The following HAS2 variants were observed in gnomAD, a reference collection of about 807,000 sequenced individuals.
HAS2 encodes the protein HA synthase 2.
Under a neutral mutation model 51.6 loss-of-function variants are expected in HAS2, and 16 were observed. The observed-to-expected ratio is 0.31, with a 90% confidence interval of 0.21 to 0.47. The LOEUF is 0.47. HAS2 is among the 20% of genes least tolerant of loss of function. The pLI is 1.00. For missense variants in HAS2, 361 were observed against 662.6 expected, an observed-to-expected ratio of 0.54 and a Z score of 5.00; for synonymous variants, 228 against 235.5, an observed-to-expected ratio of 0.97 and a Z score of 0.29.
chr8:121,629,189 G>A lies in HAS2; in HGVS notation c.152C>T (p.Ala51Val), dbSNP rs780998853. The change falls in exon 2 of 4, where the codon GCC becomes GTC. Residue 51 changes from alanine (A) to valine (V), a missense_variant. Around this residue, in one of 5 missense-constraint regions of HAS2, gnomAD observed 145 missense variants for 217.6 expected, o/e 0.67. Transcript: ENST00000303924. Reference sequence around the variant, plus strand: ...GATGATGAGGTGTGATGCCAAAAAGGCACCATACAGTCCAAAAGAGAAATA... The same window carrying A: ...GATGATGAGGTGTGATGCCAAAAAGACACCATACAGTCCAAAAGAGAAATA... ...NYYFSFGLYG[A>V]FLASHLIIQS... 3.1e-6 allele frequency: 5 copies of A among 1,613,856 alleles called. No homozygotes were observed. The highest frequency in any genetic ancestry group is 1.3e-5 in the African/African-American group (1 of 74,880).
Position 121,627,884 on chromosome 8 carries a change from A to G in HAS2, c.627+830T>C, listed in dbSNP as rs534520000. On this transcript the variant is annotated intron_variant, in intron 2 of 3. Transcript: ENST00000303924. ...GAGACATTTTTCCCCTCTCAATACC[A>G]TCATGGCCAAAATCTAATTATTATA... Among the ~76,000 whole-genome samples the G allele has an allele frequency of 7.2e-5, 11 of 152,272 alleles. No individual in the cohort carries two copies. The South Asian group carries it at 2.1e-3, about 29-fold the overall frequency.
chr8:121,633,757 A>G (rs1288606272), intron 1 of HAS2, among the ~76,000 whole-genome samples: 1 of 152,206 alleles, frequency 6.6e-6, no homozygotes, highest in Admixed American at 6.5e-5. Context: ...TCTTCAGGTC[A>G]CTGGACCTCG....
intron 1 of HAS2, among the ~76,000 whole-genome samples, chr8:121,633,822 A>G (rs1812968339): frequency 6.6e-6 from 1 of 152,004 alleles, no homozygotes; most frequent in South Asian, 2.1e-4. Context: ...GAAATGTTGG[A>G]TGAAAGGAGA....
At position 121,613,875 on chromosome 8, in the gene HAS2, A is replaced by G. The variant is rs1812667843; in HGVS notation, c.*234T>C. On this transcript the variant is annotated 3_prime_UTR_variant, in exon 4 of 4. Coordinates refer to ENST00000303924, the MANE Select transcript of HAS2 (RefSeq NM_005328.3). ...GATGCACAGTAAGGAAAAAGTGCAT[A>G]AACAAAGAATTCATCCCATTTTCAT... 2 of 613,146 alleles carry G rather than the reference A, an allele frequency of 3.3e-6. No individual in the cohort carries two copies. The highest frequency in any genetic ancestry group is 4.0e-5 in the South Asian group (2 of 50,216). 38.0% of individuals were successfully genotyped at this position (613,146 alleles called of 1,614,324 possible).
chr8:121,617,369 A>C (rs1812717481), intron 2 of HAS2, among the ~76,000 whole-genome samples, 163 bp from the exon 3 acceptor site: 1 of 152,220 alleles, frequency 6.6e-6, no homozygotes, highest in Admixed American at 6.5e-5. Context: ...TATCATGGCC[A>C]ATACAAAGAG....
intron 2 of HAS2, among the ~76,000 whole-genome samples, chr8:121,626,163 G>A (rs1388253288): frequency 6.6e-6 from 1 of 152,124 alleles, no homozygotes; most frequent in Non-Finnish European, 1.5e-5. Context: ...GGATACTCTT[G>A]AAACAGTTTA....
At chr8:121,625,728 T>C (rs1812840449) in intron 2 of HAS2, among the ~76,000 whole-genome samples, 1 of 143,058 alleles carries the variant, frequency 7.0e-6, no homozygotes, top group Non-Finnish European at 1.5e-5. Context: ...CCTAAGTTGC[T>C]CAGGTTGGTC....
intron 2 of HAS2, among the ~76,000 whole-genome samples, chr8:121,619,755 A>G: frequency 6.6e-6 from 1 of 152,298 alleles, no homozygotes; most frequent in African/African-American, 2.4e-5. Flanking sequence ...GAAAAACATG[A>G]AGGCAGAAAT....
chr8:121,629,937 C>T (rs1264529748), intron 1 of HAS2, among the ~76,000 whole-genome samples: 2 of 152,082 alleles, frequency 1.3e-5, no homozygotes, highest in East Asian at 1.9e-4. Flanking sequence ...GGTGAGTCAC[C>T]ATACCTCTCT....
At chr8:121,640,275 G>A (rs954124517) in intron 1 of HAS2, 1 of 152,466 alleles carries the variant, frequency 6.6e-6, no homozygotes, top group Non-Finnish European at 1.5e-5. Context: ...TAGCTGCGAG[G>A]AGGTAGAGAA....
At chr8:121,633,218 T>C (rs1334547923) in intron 1 of HAS2, among the ~76,000 whole-genome samples, 2 of 149,016 alleles carry the variant, frequency 1.3e-5, no homozygotes, top group Non-Finnish European at 3.0e-5. Context: ...CAGTCTTGGC[T>C]CACTGTAACC....
Position 121,641,158 on chromosome 8 carries a change from C to CTTTCTTTTTTTTTTTTTTTTT in HAS2, c.-307_-306insAAAAAAAAAAAAAAAAAGAAA, listed in dbSNP as rs1554597329. ...TAACTTTTCTTTTTTCTTTTCTTTT[C>CTTTCTTTTTTTTTTTTTTTTT]TTTTTTTTTTTTTTTTTTTTTTGGG... On this transcript the variant is annotated 5_prime_UTR_variant, in exon 1 of 4. Coordinates refer to ENST00000303924, the MANE Select transcript of HAS2 (RefSeq NM_005328.3). 5 of 57,012 alleles carry CTTTCTTTTTTTTTTTTTTTTT rather than the reference C, an allele frequency of 8.8e-5. No homozygotes were observed. Among genetic ancestry groups the CTTTCTTTTTTTTTTTTTTTTT allele is most frequent in the East Asian group, 3.7e-4 (1 of 2,676 alleles). The allele number at this position is 57,012 out of a possible 1,614,324, so 3.5% of individuals were successfully genotyped here.
chr8:121,617,598 T>A (rs967316826), intron 2 of HAS2, among the ~76,000 whole-genome samples: 2 of 151,672 alleles, frequency 1.3e-5, no homozygotes, highest in Non-Finnish European at 2.9e-5. Context: ...AAAAAAAAAA[T>A]GTTTTCTTGT....
chr8:121,622,150 A>G, intron 2 of HAS2, among the ~76,000 whole-genome samples: 1 of 152,230 alleles, frequency 6.6e-6, no homozygotes, highest in Non-Finnish European at 1.5e-5. Context: ...AAGTAAATAG[A>G]AATTCTGCAT....
intron 2 of HAS2, among the ~76,000 whole-genome samples, chr8:121,621,335 A>G (rs1234502531): frequency 3.3e-5 from 5 of 152,222 alleles, no homozygotes; most frequent in African/African-American, 1.2e-4. Flanking sequence ...TACAAGAGCA[A>G]GTACCCATGA....
At position 121,628,711 on chromosome 8, in the gene HAS2, T is replaced by C; in HGVS notation, c.627+3A>G. ...TTGCCCTGGCAGGAATGTGGAGACCTACCTGTACATAATCCACACTTCGTC... is the reference window on the plus strand; with the variant it reads ...TTGCCCTGGCAGGAATGTGGAGACCCACCTGTACATAATCCACACTTCGTC... On this transcript the variant is annotated splice_donor_region_variant and intron_variant, in intron 2 of 3. Transcript: ENST00000303924. 1.9e-6 allele frequency: 3 copies of C among 1,612,174 alleles called. No individual in the cohort carries two copies. The highest frequency in any genetic ancestry group is 1.7e-5 in the Admixed American group (1 of 59,906).
chr8:121,628,730 C>T lies in HAS2; in HGVS notation c.611G>A (p.Ser204Asn), dbSNP rs746337139. The T allele has an allele frequency of 1.9e-6, 3 of 1,613,814 alleles. No individual in the cohort carries two copies. Among genetic ancestry groups the T allele is most frequent in the Non-Finnish European group, 2.5e-6 (3 of 1,179,802 alleles). ...MYTAFRALGR[S>N]VDYVQVCDSD... Reference sequence around the variant, plus strand: ...GAGACCTACCTGTACATAATCCACACTTCGTCCCAGTGCTCTGAAGGCTGT... The same window carrying T: ...GAGACCTACCTGTACATAATCCACATTTCGTCCCAGTGCTCTGAAGGCTGT... Residue 204 changes from serine (S) to asparagine (N), a missense_variant, in exon 2 of 4, where the codon AGT becomes AAT. Ser to Asn is a conservative substitution (Grantham distance 46, BLOSUM62 1). This residue lies in a region of HAS2 where 49 missense variants were observed against 108.3 expected (regional missense o/e 0.45). Coordinates refer to ENST00000303924, the MANE Select transcript of HAS2 (RefSeq NM_005328.3).
In HAS2 at chr8:121,613,720, C is replaced by A; in HGVS notation, c.*389G>T. 1.7e-5 allele frequency: 3 copies of A among 177,862 alleles called. No homozygotes were observed. Among genetic ancestry groups the A allele is most frequent in the East Asian group, 1.5e-4 (1 of 6,620 alleles). 11.0% of individuals were successfully genotyped at this position (177,862 alleles called of 1,614,324 possible). A position where few individuals can be genotyped will look rare whatever the true frequency, so the allele number is the denominator to read the frequency against. Reference sequence around the variant, plus strand: ...CTAAAAAAAAAAAATTATCATCTATCAAAACAGTCCATAAGTTAGGTTGTA... The same window carrying A: ...CTAAAAAAAAAAAATTATCATCTATAAAAACAGTCCATAAGTTAGGTTGTA... On this transcript the variant is annotated 3_prime_UTR_variant, in exon 4 of 4. Transcript: ENST00000303924.
rs1314930057 is a variant in HAS2, at chr8:121,612,784, T to A, written c.*1325A>T. 1 of 152,108 alleles carries A rather than the reference T, an allele frequency of 6.6e-6. No homozygotes were observed. Among genetic ancestry groups the A allele is most frequent in the Non-Finnish European group, 1.5e-5 (1 of 68,000 alleles). The allele number at this position is 152,108 out of a possible 1,614,324, so 9.4% of individuals were successfully genotyped here. The stretch of plus-strand genomic sequence containing the variant: ...CAGGTCCAGAACAGGAAATAGGAAG[T>A]GATGATCTGTGTAATTCAGAAAAAC... On this transcript the variant is annotated 3_prime_UTR_variant, in exon 4 of 4. Transcript: ENST00000303924.
Sources: gnomAD v4.1 joint callset for allele counts (sites outside exome capture counted in the v4.1 genomes callset) on GRCh38, gnomAD v4.1.1 for gene constraint, gnomAD v4.1.1 regional missense constraint, MANE v1.5 for transcripts, NCBI Gene and HGNC (gene_info 2026-07-23, HGNC 2026-07-21) for gene names.